Variants in TBC1D5 observed in about 807,000 individuals in gnomAD.
TBC1D5 encodes the protein TBC1 domain family, member 5.
TBC1D5 carries 75 observed loss-of-function variants against 100.3 expected under a neutral mutation model. The ratio of observed to expected loss-of-function variants is 0.75; its 90% CI spans 0.62 to 0.91. The LOEUF is 0.91. TBC1D5 is among the 40% of genes least tolerant of loss of function. The pLI, the probability that TBC1D5 is intolerant of heterozygous loss-of-function variation, is 0.00. For synonymous variants in TBC1D5, 323 were observed against 325.6 expected, an observed-to-expected ratio of 0.99 and a Z score of 0.09; for missense variants, 910 against 942.4, an observed-to-expected ratio of 0.97 and a Z score of 0.45.
chr3:17,289,938 C>A (rs1300715270), intron 15 of TBC1D5, among the ~76,000 whole-genome samples: 5 of 152,216 alleles, frequency 3.3e-5, no homozygotes, highest in Non-Finnish European at 7.3e-5. Context: ...CACATATACA[C>A]TTAACTATAT....
At chr3:17,449,652 A>T (rs2094880314) in intron 3 of TBC1D5, among the ~76,000 whole-genome samples, 1 of 152,190 alleles carries the variant, frequency 6.6e-6, no homozygotes, top group Admixed American at 6.5e-5. Flanking sequence ...GCAGTGCAGC[A>T]AAGCTGCTGT....
At chr3:17,308,432 A>C (rs1053391736) in intron 13 of TBC1D5, among the ~76,000 whole-genome samples, 1 of 152,094 alleles carries the variant, frequency 6.6e-6, no homozygotes, top group African/African-American at 2.4e-5. Context: ...AGAAAAAATG[A>C]ATGTTTAGTA....
At chr3:17,473,181 G>A (rs1344854827) in intron 3 of TBC1D5, among the ~76,000 whole-genome samples, 2 of 152,150 alleles carry the variant, frequency 1.3e-5, no homozygotes, top group Non-Finnish European at 2.9e-5. Context: ...CGAGACAGAA[G>A]GATCACAGGA....
At chr3:17,602,057 C>T (rs1333001472) in intron 2 of TBC1D5, among the ~76,000 whole-genome samples, 1 of 152,002 alleles carries the variant, frequency 6.6e-6, no homozygotes, top group Non-Finnish European at 1.5e-5. Context: ...GGTCTCAATC[C>T]CCTGACCTCG....
intron 19 of TBC1D5, among the ~76,000 whole-genome samples, chr3:17,182,343 A>G (rs192214467): frequency 1.5e-4 from 23 of 152,302 alleles, no homozygotes; most frequent in African/African-American, 4.6e-4. Flanking sequence ...AAACAAATCT[A>G]GTTTTGTGGT....
At chr3:17,473,070 T>G (rs1032198633) in intron 3 of TBC1D5, among the ~76,000 whole-genome samples, 35 of 152,184 alleles carry the variant, frequency 2.3e-4, no homozygotes, top group Admixed American at 7.2e-4. Flanking sequence ...TCAACTAAAA[T>G]GTACAGAATA....
chr3:17,545,801 C>G (rs939907017), intron 2 of TBC1D5, among the ~76,000 whole-genome samples: 1 of 152,188 alleles, frequency 6.6e-6, no homozygotes, highest in African/African-American at 2.4e-5. Flanking sequence ...GTCCTTAGCA[C>G]AAACCTTCAA....
chr3:17,515,361 G>A (rs1313311858), intron 2 of TBC1D5, among the ~76,000 whole-genome samples: 1 of 152,144 alleles, frequency 6.6e-6, no homozygotes, highest in Non-Finnish European at 1.5e-5. Context: ...GGACGTTTTA[G>A]TACTTCCTTT....
chr3:17,724,139 G>T (rs987979607), intron 1 of TBC1D5, among the ~76,000 whole-genome samples: 2 of 147,964 alleles, frequency 1.4e-5, no homozygotes, highest in African/African-American at 5.0e-5. Context: ...GACCGCAGTA[G>T]CACAATCACA....
chr3:17,180,780 G>T (rs192322479), intron 19 of TBC1D5, among the ~76,000 whole-genome samples: 1 of 152,100 alleles, frequency 6.6e-6, no homozygotes, highest in East Asian at 1.9e-4. Context: ...AAGGTGGGAG[G>T]GTGGTGAGGG....
intron 1 of TBC1D5, among the ~76,000 whole-genome samples, chr3:17,733,742 G>A (rs145401529): frequency 2.0e-4 from 31 of 151,922 alleles, no homozygotes; most frequent in East Asian, 3.9e-4. Context: ...CACAACTTCC[G>A]TAAGTCAAAA....
Position 17,512,900 on chromosome 3 carries a change from T to C in TBC1D5, c.-35-4295A>G, listed in dbSNP as rs1283019383. On this transcript the variant is annotated intron_variant, in intron 2 of 21. Transcript: ENST00000253692. ...AGTCTAGAGGCTGGAGTATTAAATC[T>C]TAAAAGTGATCTGTCTGAAAGAAAA... Among the ~76,000 whole-genome samples, 11 of 152,216 alleles carry C rather than the reference T, an allele frequency of 7.2e-5. No individual in the cohort carries two copies. The South Asian group carries it at 2.3e-3, about 31-fold the overall frequency.
exon 14 of TBC1D5, chr3:17,308,110 T>G (rs2150549218): frequency 6.3e-7 from 1 of 1,595,908 alleles, no homozygotes; most frequent in East Asian, 2.3e-5. Context: ...GGAACTCTCG[T>G]CCAAATAGCA....
At chr3:17,416,856 C>G (rs1404159790) in intron 4 of TBC1D5, among the ~76,000 whole-genome samples, 4 of 152,186 alleles carry the variant, frequency 2.6e-5, no homozygotes. Flanking sequence ...ATGGTCAATG[C>G]TGGAAAGAAC....
intron 1 of TBC1D5, among the ~76,000 whole-genome samples, chr3:17,696,646 C>A (rs1364321724): frequency 6.6e-6 from 1 of 152,096 alleles, no homozygotes; most frequent in African/African-American, 2.4e-5. Context: ...CAGGACCAGA[C>A]GGATTCACAG....
chr3:17,568,950 C>A (rs2096609684), intron 2 of TBC1D5, among the ~76,000 whole-genome samples: 1 of 151,570 alleles, frequency 6.6e-6, no homozygotes, highest in South Asian at 2.1e-4. Flanking sequence ...CCCTGCATAC[C>A]ACATAAGATG....
At chr3:17,691,338 G>A (rs1005877847) in intron 1 of TBC1D5, among the ~76,000 whole-genome samples, 2 of 152,128 alleles carry the variant, frequency 1.3e-5, no homozygotes, top group Non-Finnish European at 2.9e-5. Context: ...GTCACTTCTA[G>A]AATGTTTTAT....
At chr3:17,189,129 G>T (rs567186931) in intron 18 of TBC1D5, among the ~76,000 whole-genome samples, 1 of 152,076 alleles carries the variant, frequency 6.6e-6, no homozygotes, top group Non-Finnish European at 1.5e-5. Context: ...AACAAAATGA[G>T]AACATATGGA....
chr3:17,466,761 A>G (rs1031603120), intron 3 of TBC1D5, among the ~76,000 whole-genome samples: 1 of 149,274 alleles, frequency 6.7e-6, no homozygotes, highest in East Asian at 1.9e-4. Flanking sequence ...TTATATGCAA[A>G]ATTACTTTTT....
Sources: gnomAD v4.1 joint callset for allele counts (sites outside exome capture counted in the v4.1 genomes callset) on GRCh38, gnomAD v4.1.1 for gene constraint, MANE v1.5 for transcripts, NCBI Gene and HGNC (gene_info 2026-07-23, HGNC 2026-07-21) for gene names.